Variants in FHOD3 observed in about 807,000 individuals in gnomAD.
The protein encoded by FHOD3 is formin homology 2 domain containing 3.
FHOD3 carries 90 observed loss-of-function variants against 173.0 expected under a neutral mutation model. The ratio of observed to expected loss-of-function variants is 0.52; its 90% CI spans 0.44 to 0.62. The LOEUF (loss-of-function observed/expected upper bound fraction) is 0.62, where lower values mean the gene tolerates loss of function less well. Ranked by LOEUF, FHOD3 falls within the 20% of genes least tolerant of loss-of-function variation. The pLI, the probability that FHOD3 is intolerant of heterozygous loss-of-function variation, is 0.00. For synonymous variants in FHOD3, 828 were observed against 823.0 expected, an observed-to-expected ratio of 1.01 and a Z score of -0.10; for missense variants, 1,945 against 2,034.7, an observed-to-expected ratio of 0.96 and a Z score of 0.85.
In FHOD3 at chr18:36,685,513, C is replaced by CT. The variant is rs1336897572; in HGVS notation, c.1971-1612dup. ...TTTTGCAAAGCATCTAAAAGTTGTT[C>CT]TTTATCTATTGTCATTTTTGTTGAA... On this transcript the variant is annotated intron_variant, in intron 15 of 28. Transcript: ENST00000590592. Among the ~76,000 whole-genome samples, 10 of 152,236 alleles carry CT rather than the reference C, an allele frequency of 6.6e-5. No homozygotes were observed. The East Asian group carries it at 1.5e-3, about 23-fold the overall frequency.
At chr18:36,607,891 T>C (rs1768056624) in intron 8 of FHOD3, among the ~76,000 whole-genome samples, 1 of 152,248 alleles carries the variant, frequency 6.6e-6, no homozygotes, top group African/African-American at 2.4e-5. Context: ...CTCGTTTCCA[T>C]CTGAGACCTC....
chr18:36,532,999 A>G (rs1345638486), intron 5 of FHOD3, among the ~76,000 whole-genome samples: 2 of 152,202 alleles, frequency 1.3e-5, no homozygotes, highest in Admixed American at 6.5e-5. Flanking sequence ...TGGGCTTCCC[A>G]CAGTGGGAGG....
At chr18:36,414,951 T>G (rs2049554040) in intron 3 of FHOD3, among the ~76,000 whole-genome samples, 1 of 152,098 alleles carries the variant, frequency 6.6e-6, no homozygotes, top group African/African-American at 2.4e-5. Context: ...TCTAGGCCAT[T>G]TTCTTGGGCA....
chr18:36,723,760 A>G (rs1251690570), intron 19 of FHOD3, among the ~76,000 whole-genome samples: 1 of 152,212 alleles, frequency 6.6e-6, no homozygotes, highest in South Asian at 2.1e-4. Flanking sequence ...CCCAGTGTCT[A>G]TTATCAATTG....
intron 5 of FHOD3, among the ~76,000 whole-genome samples, chr18:36,559,829 C>A (rs1311248148): frequency 6.6e-6 from 1 of 152,058 alleles, no homozygotes; most frequent in Non-Finnish European, 1.5e-5. Flanking sequence ...TGGGAAGGGG[C>A]CTGTTTGAAT....
rs764012361 is a variant in FHOD3 at position 36,612,109 on chromosome 18, C to A, written c.957+14C>A. ...AACATTTATGAGGTACCAGACCATG[C>A]CTTTTGTAAGGTATCGTACAGCTTT... On this transcript the variant is annotated intron_variant, in intron 9 of 28. Coordinates refer to ENST00000590592, the MANE Select transcript of FHOD3 (RefSeq NM_001281740.3). 5.0e-6 allele frequency: 8 copies of A among 1,611,106 alleles called. No homozygotes were observed. Among genetic ancestry groups the A allele is most frequent in the Non-Finnish European group, 6.8e-6 (8 of 1,178,864 alleles).
At chr18:36,342,943 G>A (rs2045697054) in intron 1 of FHOD3, among the ~76,000 whole-genome samples, 1 of 152,156 alleles carries the variant, frequency 6.6e-6, no homozygotes, top group Non-Finnish European at 1.5e-5. Flanking sequence ...TTAGCCATCA[G>A]GAAAATGCAA....
chr18:36,550,042 A>G (rs116045483), intron 5 of FHOD3, among the ~76,000 whole-genome samples: 174 of 151,936 alleles, frequency 1.1e-3, no homozygotes, highest in African/African-American at 3.8e-3. Context: ...CTGTTCCAGC[A>G]CCAACTATTG....
At chr18:36,373,852 G>A (rs1304399909) in intron 3 of FHOD3, among the ~76,000 whole-genome samples, 3 of 152,142 alleles carry the variant, frequency 2.0e-5, no homozygotes, top group Admixed American at 1.3e-4. Context: ...CCTGCTTCGT[G>A]TTTTCCCAGT....
At chr18:36,331,096 G>T (rs576344292) in intron 1 of FHOD3, among the ~76,000 whole-genome samples, 25 of 152,304 alleles carry the variant, frequency 1.6e-4, no homozygotes, top group African/African-American at 5.5e-4. Context: ...CTCCAAAGAG[G>T]TGTGTATCCA....
intron 4 of FHOD3, among the ~76,000 whole-genome samples, chr18:36,508,139 G>A (rs544411519): frequency 1.3e-5 from 2 of 152,276 alleles, no homozygotes; most frequent in African/African-American, 2.4e-5. Context: ...ACTGGTGTGT[G>A]TGCGAGAGAT....
At chr18:36,413,165 A>G (rs2049444295) in intron 3 of FHOD3, among the ~76,000 whole-genome samples, 1 of 152,196 alleles carries the variant, frequency 6.6e-6, no homozygotes, top group African/African-American at 2.4e-5. Flanking sequence ...ACATAAGACC[A>G]ATGTTGTTGT....
chr18:36,421,549 C>T (rs2049985846), intron 3 of FHOD3, among the ~76,000 whole-genome samples: 1 of 152,156 alleles, frequency 6.6e-6, no homozygotes, highest in Non-Finnish European at 1.5e-5. Context: ...TAGTGATTGG[C>T]TTAACTTTTT....
At chr18:36,751,883 G>T (rs1425911731) in intron 24 of FHOD3, among the ~76,000 whole-genome samples, 1 of 152,208 alleles carries the variant, frequency 6.6e-6, no homozygotes, top group Non-Finnish European at 1.5e-5. Flanking sequence ...GGACTGGGGA[G>T]AGGAAGAGAA....
At chr18:36,473,110 C>G (rs1036575332) in intron 3 of FHOD3, among the ~76,000 whole-genome samples, 3 of 152,202 alleles carry the variant, frequency 2.0e-5, no homozygotes, top group African/African-American at 7.2e-5. Context: ...CTTGGGCCAG[C>G]ACCACCAGCT....
chr18:36,629,800 T>C (rs760956749), intron 10 of FHOD3, among the ~76,000 whole-genome samples: 30 of 152,078 alleles, frequency 2.0e-4, no homozygotes, highest in Non-Finnish European at 3.5e-4. Context: ...CCAGGGAAGA[T>C]TGGACTGTGC....
chr18:36,503,305 A>G (rs1168284545), intron 4 of FHOD3, among the ~76,000 whole-genome samples: 1 of 152,186 alleles, frequency 6.6e-6, no homozygotes, highest in African/African-American at 2.4e-5. Context: ...TTTTGATTCT[A>G]GTTTACATTC....
At chr18:36,606,151 T>C (rs1568485747) in intron 8 of FHOD3, among the ~76,000 whole-genome samples, 1 of 152,218 alleles carries the variant, frequency 6.6e-6, no homozygotes, top group Non-Finnish European at 1.5e-5. Context: ...TGCTGAGTAG[T>C]TGCCTTTGTT....
chr18:36,633,917 C>G (rs914836121), intron 10 of FHOD3, among the ~76,000 whole-genome samples: 1 of 152,142 alleles, frequency 6.6e-6, no homozygotes, highest in African/African-American at 2.4e-5. Context: ...ATAGAGGGGA[C>G]TTCTGAAAAT....
Sources: gnomAD v4.1 joint callset for allele counts (sites outside exome capture counted in the v4.1 genomes callset) on GRCh38, gnomAD v4.1.1 for gene constraint, MANE v1.5 for transcripts, NCBI Gene and HGNC (gene_info 2026-07-23, HGNC 2026-07-21) for gene names.